The following CPAMD8 variants were observed in gnomAD, a reference collection of about 807,000 sequenced individuals.
CPAMD8 encodes C3 and PZP like alpha-2-macroglobulin domain containing 8.
Under a neutral mutation model 224.7 loss-of-function variants are expected in CPAMD8, and 146 were observed. That is an observed-to-expected ratio of 0.65 (90% CI 0.57 to 0.75). CPAMD8 has a LOEUF of 0.75. CPAMD8 is among the 30% of genes least tolerant of loss of function. The pLI is 0.00. For synonymous variants in CPAMD8, 966 were observed against 1,044.6 expected, an observed-to-expected ratio of 0.92 and a Z score of 1.45; for missense variants, 2,301 against 2,537.5, an observed-to-expected ratio of 0.91 and a Z score of 2.00.
chr19:16,895,777 A>G, intron 41 of CPAMD8: 1 of 397,940 alleles, frequency 2.5e-6, no homozygotes, highest in Non-Finnish European at 5.1e-6. Flanking sequence ...AGGGATGCTG[A>G]ACCTTAGCTA....
At chr19:16,914,945 C>T (rs2052889786) in intron 27 of CPAMD8, 132 bp from the exon 28 acceptor site, 3 of 659,546 alleles carry the variant, frequency 4.5e-6, no homozygotes, top group South Asian at 3.9e-5. Flanking sequence ...GGAGGGGTCC[C>T]ATCTGTCCCC....
chr19:16,948,091 T>C (rs6512148), intron 20 of CPAMD8, among the ~76,000 whole-genome samples: 70,167 of 151,940 alleles, frequency 0.46, 16,759 homozygotes, highest in African/African-American at 0.58. Flanking sequence ...TGCATGTGCA[T>C]TGTGGGTGCA....
intron 23 of CPAMD8, among the ~76,000 whole-genome samples, chr19:16,935,934 T>TC (rs2145012781): frequency 6.6e-6 from 1 of 152,118 alleles, no homozygotes; most frequent in East Asian, 1.9e-4. Context: ...TTCACTATTT[T>TC]TTTTTTTTTT....
chr19:16,926,663 T>C (rs984434554), intron 25 of CPAMD8, among the ~76,000 whole-genome samples: 4 of 152,216 alleles, frequency 2.6e-5, no homozygotes, highest in Non-Finnish European at 4.4e-5. Context: ...GAGGCTGCCA[T>C]TGCCCCTACA....
chr19:17,001,273 A>G (rs1251640983), intron 9 of CPAMD8, among the ~76,000 whole-genome samples: 1 of 139,312 alleles, frequency 7.2e-6, no homozygotes, highest in Non-Finnish European at 1.5e-5. Flanking sequence ...CAGAGAGCTG[A>G]GACTGTCACT....
At chr19:16,995,762 C>A (rs1455478086) in intron 11 of CPAMD8, among the ~76,000 whole-genome samples, 1 of 152,132 alleles carries the variant, frequency 6.6e-6, no homozygotes. Context: ...CATCTGCAAT[C>A]CCAGCACTTT....
chr19:17,008,417 T>C (rs1599900119), intron 7 of CPAMD8, 88 bp downstream of exon 7: 2 of 1,494,722 alleles, frequency 1.3e-6, no homozygotes, highest in Non-Finnish European at 1.8e-6. Context: ...GGGGGTACAT[T>C]AGCGGTGGGC....
intron 15 of CPAMD8, among the ~76,000 whole-genome samples, 157 bp downstream of exon 15, chr19:16,977,211 G>T (rs1043927165): frequency 1.3e-5 from 2 of 152,076 alleles, no homozygotes; most frequent in Non-Finnish European, 2.9e-5. Flanking sequence ...GACTTTTGGA[G>T]ATGCTTCAGT....
intron 13 of CPAMD8, among the ~76,000 whole-genome samples, chr19:16,986,784 C>T (rs1213784664): frequency 2.0e-5 from 3 of 151,982 alleles, no homozygotes; most frequent in African/African-American, 7.3e-5. Context: ...GCTGGGATTG[C>T]GGCCAGGATG....
chr19:16,933,113 A>G (rs2053591334), intron 23 of CPAMD8, among the ~76,000 whole-genome samples: 1 of 152,120 alleles, frequency 6.6e-6, no homozygotes, highest in Non-Finnish European at 1.5e-5. Context: ...AATCTTTTCA[A>G]TAAATGGTGC....
intron 34 of CPAMD8, 72 bp downstream of exon 34, chr19:16,903,489 C>T (rs1910570042): frequency 6.2e-6 from 10 of 1,603,234 alleles, no homozygotes; most frequent in Non-Finnish European, 7.7e-6. Context: ...CCTGGGGTTC[C>T]ACTGTGTGAT....
chr19:16,928,253 GC>G lies in CPAMD8; in HGVS notation c.3145-20del. ...GGCCAACCTGGAAAAAGAAACCAAG[GC>G]TGCTGGACGCTGGCAGGAAGCAGGC... On this transcript the variant is annotated intron_variant, in intron 24 of 41. Coordinates refer to ENST00000443236, the MANE Select transcript of CPAMD8 (RefSeq NM_015692.5). The G allele has an allele frequency of 1.3e-6, 2 of 1,599,694 alleles. No homozygotes were observed. Among genetic ancestry groups the G allele is most frequent in the Non-Finnish European group, 1.7e-6 (2 of 1,168,920 alleles).
chr19:17,001,457 G>A (rs992937323), intron 9 of CPAMD8, among the ~76,000 whole-genome samples: 1 of 146,724 alleles, frequency 6.8e-6, no homozygotes, highest in Non-Finnish European at 1.5e-5. Flanking sequence ...GGTGGGGTTG[G>A]GAGGGTCACA....
intron 27 of CPAMD8, among the ~76,000 whole-genome samples, chr19:16,919,695 C>T (rs1019422606): frequency 7.2e-5 from 11 of 152,350 alleles, no homozygotes; most frequent in African/African-American, 1.4e-4. Flanking sequence ...CACTGGGCAG[C>T]GAGGACCTGG....
chr19:17,017,774 A>C (rs1174771554), intron 3 of CPAMD8, among the ~76,000 whole-genome samples: 15 of 152,246 alleles, frequency 9.9e-5, no homozygotes, highest in Admixed American at 9.8e-4. Flanking sequence ...TCACGCCTGT[A>C]ATCCCAACAC....
intron 26 of CPAMD8, among the ~76,000 whole-genome samples, chr19:16,922,294 G>T (rs921242026): frequency 6.6e-6 from 1 of 151,576 alleles, no homozygotes; most frequent in African/African-American, 2.4e-5. Flanking sequence ...CACATCTGGG[G>T]TCCCTGAAAC....
intron 7 of CPAMD8, among the ~76,000 whole-genome samples, chr19:17,007,132 AAGACC>A (rs1465967441): frequency 7.9e-5 from 12 of 152,086 alleles, no homozygotes; most frequent in Admixed American, 7.2e-4. Context: ...TTGGGAGTTC[AAGACC>A]AGCCTGGCCA....
chr19:17,012,323 C>A (rs2056678083), intron 3 of CPAMD8, among the ~76,000 whole-genome samples: 1 of 147,508 alleles, frequency 6.8e-6, no homozygotes, highest in Non-Finnish European at 1.5e-5. Context: ...CCGGCCATAT[C>A]TTTTTTCTTT....
At chr19:17,002,966 C>T (rs578055759) in intron 8 of CPAMD8, among the ~76,000 whole-genome samples, 3 of 150,110 alleles carry the variant, frequency 2.0e-5, no homozygotes, top group African/African-American at 4.9e-5. Flanking sequence ...TGCAGTGGCA[C>T]GATCTTGGCT....
Sources: allele counts gnomAD v4.1 joint callset (sites outside exome capture counted in the v4.1 genomes callset), GRCh38; gene constraint gnomAD v4.1.1; transcripts MANE v1.5; gene names NCBI Gene and HGNC (gene_info 2026-07-23, HGNC 2026-07-21).